The following EPM2A variants were observed in gnomAD, a reference collection of about 807,000 sequenced individuals.
The protein encoded by EPM2A is laforin.
A neutral mutation model predicts 26.5 loss-of-function variants in EPM2A; 21 were observed. The observed-to-expected ratio is 0.79, with a 90% CI of 0.56 to 1.14. The LOEUF is 1.14. EPM2A is among the 50% of genes most tolerant of loss of function. The pLI is 0.00. For missense variants in EPM2A, 458 were observed against 440.8 expected, an observed-to-expected ratio of 1.04 and a Z score of -0.35; for synonymous variants, 217 against 177.6, an observed-to-expected ratio of 1.22 and a Z score of -1.76.
intron 2 of EPM2A, among the ~76,000 whole-genome samples, chr6:145,518,595 CAA>C (rs55802475): frequency 0.01 from 1,069 of 102,408 alleles, 4 homozygotes; most frequent in African/African-American, 0.036. Context: ...TGAAATGCAC[CAA>C]AAAAAAAAAA....
chr6:145,735,351 C>T lies in EPM2A; in HGVS notation c.148G>A (p.Gly50Arg), dbSNP rs753397854. 711 of 1,204,134 alleles carry T rather than the reference C, an allele frequency of 5.9e-4. No individual in the cohort carries two copies. The highest frequency in any genetic ancestry group is 6.7e-4 in the Non-Finnish European group (647 of 959,220). The allele number at this position is 1,204,134 out of a possible 1,614,324, so 74.6% of individuals were successfully genotyped here. A position where few individuals can be genotyped will look rare whatever the true frequency, so the allele number is the denominator to read the frequency against. ...CCCGGCTCCTGCAGGGCCAGGGCCCCGTCGCCCGCCGCGGTGCCGGCCGGC... is the reference window on the plus strand; with the variant it reads ...CCCGGCTCCTGCAGGGCCAGGGCCCTGTCGCCCGCCGCGGTGCCGGCCGGC... Reference protein sequence around the residue: ...LRPAGTAAGDGALALQEPGLW... With the variant: ...LRPAGTAAGDRALALQEPGLW... Residue 50 changes from glycine (G) to arginine (R), a missense_variant, in exon 1 of 4, where the codon GGG becomes AGG. Gly to Arg is a moderately radical substitution (Grantham distance 125). Transcript: ENST00000367519.
rs544444285 is a variant in EPM2A at position 145,489,884 on chromosome 6, C to T, written c.555+12638G>A. On this transcript the variant is annotated intron_variant, in intron 4 of 4. Coordinates refer to the EPM2A transcript ENST00000638717. ...ATCCATTCAAAGTGAAGCTTCTCTA[C>T]GTGTACTTCAGTACCTTCTTCAGTC... is the stretch of plus-strand genomic sequence containing the variant. The T allele has an allele frequency of 8.1e-5, 112 of 1,376,282 alleles. 1 individual carries two copies. Among genetic ancestry groups the T allele is most frequent in the South Asian group, 4.4e-4 (38 of 85,836 alleles). The allele number at this position is 1,376,282 out of a possible 1,614,324, so 85.3% of individuals were successfully genotyped here.
intron 4 of EPM2A, among the ~76,000 whole-genome samples, chr6:145,388,050 C>T (rs752975276): frequency 1.3e-5 from 2 of 152,104 alleles, no homozygotes; most frequent in Non-Finnish European, 2.9e-5. Context: ...AAGATCTGTG[C>T]ATTTCACAAT....
chr6:145,683,174 G>C (rs1280575310), intron 2 of EPM2A, among the ~76,000 whole-genome samples: 1 of 151,802 alleles, frequency 6.6e-6, no homozygotes, highest in Non-Finnish European at 1.5e-5. Context: ...AACTGAAGGT[G>C]CATTAAAATA....
intron 2 of EPM2A, among the ~76,000 whole-genome samples, chr6:145,522,819 C>A (rs1421506885): frequency 6.6e-6 from 1 of 150,686 alleles, no homozygotes; most frequent in Non-Finnish European, 1.5e-5. Flanking sequence ...TGTTGAACTA[C>A]AATAAACTCC....
intron 4 of EPM2A, among the ~76,000 whole-genome samples, chr6:145,390,562 A>ATG (rs1778324023): frequency 1.1e-5 from 1 of 93,726 alleles, no homozygotes; most frequent in African/African-American, 3.5e-5. Flanking sequence ...GTGCATGCAC[A>ATG]TTCTCTCTCT....
chr6:145,597,963 C>T (rs187569411), intron 2 of EPM2A, among the ~76,000 whole-genome samples: 9 of 152,160 alleles, frequency 5.9e-5, no homozygotes, highest in Non-Finnish European at 8.8e-5. Context: ...TTTTCTTCAT[C>T]CAGTCTGTCA....
intron 4 of EPM2A, among the ~76,000 whole-genome samples, chr6:145,423,272 G>A (rs1303382875): frequency 1.3e-5 from 2 of 152,124 alleles, no homozygotes; most frequent in Admixed American, 1.3e-4. Flanking sequence ...TTACAGAGGA[G>A]GCAGTAATTT....
chr6:145,540,388 GA>G (rs966672914), intron 2 of EPM2A, among the ~76,000 whole-genome samples: 2 of 152,320 alleles, frequency 1.3e-5, no homozygotes, highest in Non-Finnish European at 2.9e-5. Context: ...TGAGAGGGAA[GA>G]AGACCCCATA....
intron 4 of EPM2A, among the ~76,000 whole-genome samples, chr6:145,438,915 A>AT (rs1236779347): frequency 3.7e-5 from 2 of 54,226 alleles, no homozygotes; most frequent in East Asian, 1.2e-3. Flanking sequence ...AGTACCCAAT[A>AT]GTTTTTTTCT....
chr6:145,395,293 G>C (rs1430083608), intron 4 of EPM2A, among the ~76,000 whole-genome samples: 1 of 152,076 alleles, frequency 6.6e-6, no homozygotes, highest in Non-Finnish European at 1.5e-5. Flanking sequence ...GGACCTAAAA[G>C]GTCAGTTGGC....
chr6:145,482,404 G>T (rs1450842344), intron 4 of EPM2A, among the ~76,000 whole-genome samples: 1 of 152,092 alleles, frequency 6.6e-6, no homozygotes, highest in East Asian at 1.9e-4. Flanking sequence ...TTTTTTAAAT[G>T]GAGCTCTTTT....
chr6:145,425,223 G>C (rs1778840202), intron 4 of EPM2A, among the ~76,000 whole-genome samples: 1 of 150,708 alleles, frequency 6.6e-6, no homozygotes, highest in Non-Finnish European at 1.5e-5. Flanking sequence ...GCCCAGGCTG[G>C]AGTGCAGTGG....
chr6:145,690,730 G>C (rs927499436), intron 1 of EPM2A, among the ~76,000 whole-genome samples: 39 of 151,884 alleles, frequency 2.6e-4, no homozygotes, highest in African/African-American at 9.2e-4. Context: ...TAAGGCCTCA[G>C]TAACCCATTA....
intron 2 of EPM2A, chr6:145,640,643 G>A (rs1003467400): frequency 4.6e-5 from 7 of 151,976 alleles, no homozygotes; most frequent in Non-Finnish European, 8.8e-5. Flanking sequence ...AATATTTTAC[G>A]GGCAATTCAA....
chr6:145,629,381 G>A (rs1021789852), intron 3 of EPM2A: 1 of 152,218 alleles, frequency 6.6e-6, no homozygotes, highest in African/African-American at 2.4e-5. Context: ...TTACAGCGAG[G>A]TGGGTCTGCC....
chr6:145,429,085 A>C (rs947061259), intron 4 of EPM2A, among the ~76,000 whole-genome samples: 9 of 152,214 alleles, frequency 5.9e-5, no homozygotes, highest in African/African-American at 2.2e-4. Flanking sequence ...AATTATTCTC[A>C]AATATTGTAG....
intron 2 of EPM2A, among the ~76,000 whole-genome samples, chr6:145,605,109 T>C (rs888882423): frequency 6.6e-6 from 1 of 152,128 alleles, no homozygotes; most frequent in African/African-American, 2.4e-5. Flanking sequence ...AGGTTGTATA[T>C]CCTTTGGCCT....
intron 4 of EPM2A, chr6:145,463,148 T>C (rs150899422): frequency 6.6e-6 from 1 of 152,254 alleles, no homozygotes; most frequent in African/African-American, 2.4e-5. Flanking sequence ...TAGGCTGCAA[T>C]TCATTTCAGG....
Sources: gnomAD v4.1 joint callset for allele counts (sites outside exome capture counted in the v4.1 genomes callset) on GRCh38, gnomAD v4.1.1 for gene constraint, MANE v1.5 for transcripts, NCBI Gene and HGNC (gene_info 2026-07-23, HGNC 2026-07-21) for gene names.